The following KCNN2 variants were observed in gnomAD, a reference collection of about 807,000 sequenced individuals.
The protein encoded by KCNN2 is small conductance calcium-activated potassium channel protein 2.
Under a neutral mutation model 55.5 loss-of-function variants are expected in KCNN2, and 24 were observed. That is an observed-to-expected ratio of 0.43 (90% CI 0.31 to 0.61). KCNN2 has a LOEUF of 0.61. KCNN2 is among the 20% of genes least tolerant of loss of function. KCNN2 has a pLI of 0.08. For synonymous variants in KCNN2, 431 were observed against 336.1 expected, an observed-to-expected ratio of 1.28 and a Z score of -3.09; for missense variants, 754 against 853.6, an observed-to-expected ratio of 0.88 and a Z score of 1.45.
rs566118562 is a variant in KCNN2 at position 114,270,822 on chromosome 5, G to A, written c.-185+49257G>A. ...TCGTGGTGAGTGTTACAGTTCTTAAGGATGGTGTGTCCGCAGTTTGTTCTT... is the reference window on the plus strand; with the variant it reads ...TCGTGGTGAGTGTTACAGTTCTTAAAGATGGTGTGTCCGCAGTTTGTTCTT... On this transcript the variant is annotated intron_variant, in intron 2 of 10. Transcript: ENST00000512097. Among the ~76,000 whole-genome samples, 3 of 152,240 alleles carry A rather than the reference G, an allele frequency of 2.0e-5. No individual in the cohort carries two copies. The South Asian group carries it at 6.2e-4, about 32-fold the overall frequency.
chr5:114,088,659 G>A (rs748511083), intron 1 of KCNN2, among the ~76,000 whole-genome samples: 4 of 151,900 alleles, frequency 2.6e-5, no homozygotes, highest in Admixed American at 1.3e-4. Flanking sequence ...TCGCTCTGTC[G>A]CCCAGGCTGG....
intron 2 of KCNN2, among the ~76,000 whole-genome samples, chr5:114,396,546 G>A (rs1427303491): frequency 7.2e-6 from 1 of 138,162 alleles, no homozygotes; most frequent in African/African-American, 2.6e-5. Context: ...TACCCAATAG[G>A]TAGTCTTTTT....
chr5:114,104,725 C>A (rs137887378), intron 1 of KCNN2, among the ~76,000 whole-genome samples: 356 of 151,914 alleles, frequency 2.3e-3, no homozygotes, highest in Non-Finnish European at 3.9e-3. Flanking sequence ...ATGAGAGGGC[C>A]GCCTACCTCA....
intron 1 of KCNN2, among the ~76,000 whole-genome samples, chr5:114,108,426 T>C (rs892913138): frequency 3.3e-5 from 5 of 152,094 alleles, no homozygotes; most frequent in Non-Finnish European, 7.4e-5. Flanking sequence ...TATACAGCTC[T>C]TAAGTTTATA....
intron 3 of KCNN2, among the ~76,000 whole-genome samples, chr5:114,432,271 A>G (rs948775258): frequency 2.0e-5 from 3 of 152,220 alleles, no homozygotes; most frequent in Admixed American, 1.3e-4. Flanking sequence ...CCCACACCCA[A>G]TAAGGATTGT....
intron 2 of KCNN2, among the ~76,000 whole-genome samples, chr5:114,345,914 G>A (rs1757096632): frequency 6.6e-6 from 1 of 152,162 alleles, no homozygotes; most frequent in South Asian, 2.1e-4. Context: ...CCGAGTAGCT[G>A]AGACTACAGG....
At chr5:114,494,690 A>T (rs1374475642) in intron 7 of KCNN2, among the ~76,000 whole-genome samples, 1 of 152,052 alleles carries the variant, frequency 6.6e-6, no homozygotes, top group African/African-American at 2.4e-5. Context: ...CTGTTTCTTT[A>T]TTAATGTACT....
At chr5:114,244,598 G>A (rs1004234063) in intron 2 of KCNN2, among the ~76,000 whole-genome samples, 12 of 151,814 alleles carry the variant, frequency 7.9e-5, no homozygotes, top group Middle Eastern at 3.4e-3. Flanking sequence ...ACTCTGGGGC[G>A]GGCATGGGGG....
At chr5:114,108,453 G>T (rs1280670044) in intron 1 of KCNN2, among the ~76,000 whole-genome samples, 1 of 151,738 alleles carries the variant, frequency 6.6e-6, no homozygotes, top group Non-Finnish European at 1.5e-5. Context: ...GGTAAGTTTT[G>T]CCCACATATT....
At chr5:114,140,442 T>A (rs1191782413) in intron 1 of KCNN2, among the ~76,000 whole-genome samples, 1 of 152,214 alleles carries the variant, frequency 6.6e-6, no homozygotes, top group Non-Finnish European at 1.5e-5. Flanking sequence ...AAGCAATGTT[T>A]GGAAGTAGAA....
intron 5 of KCNN2, among the ~76,000 whole-genome samples, chr5:114,478,733 T>TG (rs1356265779): frequency 1.3e-5 from 2 of 152,140 alleles, no homozygotes; most frequent in South Asian, 2.1e-4. Flanking sequence ...CAGAAGAGAC[T>TG]GGGGGCCCAT....
intron 2 of KCNN2, among the ~76,000 whole-genome samples, chr5:114,235,041 CT>C (rs1754463759): frequency 1.3e-5 from 2 of 152,100 alleles, no homozygotes; most frequent in Admixed American, 1.3e-4. Flanking sequence ...CATGAATATT[CT>C]TTTGAAAGTT....
chr5:114,077,697 G>A (rs999068069), intron 1 of KCNN2, among the ~76,000 whole-genome samples: 1 of 152,202 alleles, frequency 6.6e-6, no homozygotes, highest in Non-Finnish European at 1.5e-5. Context: ...TGAGGGAGGA[G>A]TACAGAACTG....
chr5:114,214,661 G>A (rs1253100706), intron 1 of KCNN2, among the ~76,000 whole-genome samples: 1 of 152,024 alleles, frequency 6.6e-6, no homozygotes, highest in Non-Finnish European at 1.5e-5. Context: ...GTTCTTTTGG[G>A]TTCCCCATAT....
At chr5:114,109,260 T>C (rs1383678721) in intron 1 of KCNN2, among the ~76,000 whole-genome samples, 1 of 152,074 alleles carries the variant, frequency 6.6e-6, no homozygotes, top group Non-Finnish European at 1.5e-5. Context: ...GCTTTCTCTA[T>C]AGGGCAGCTT....
intron 1 of KCNN2, among the ~76,000 whole-genome samples, chr5:114,215,404 T>A (rs13188717): frequency 0.3 from 45,354 of 151,944 alleles, 6,907 homozygotes; most frequent in Middle Eastern, 0.45. Flanking sequence ...AAAGGAGAGT[T>A]ACTTTTTTTC....
At chr5:114,117,425 G>A (rs1460621616) in intron 1 of KCNN2, among the ~76,000 whole-genome samples, 2 of 152,188 alleles carry the variant, frequency 1.3e-5, no homozygotes, top group African/African-American at 4.8e-5. Context: ...TTCCCTGACA[G>A]GGGTCCTGTC....
chr5:114,372,037 C>A (rs1262810981), intron 2 of KCNN2, among the ~76,000 whole-genome samples: 1 of 152,192 alleles, frequency 6.6e-6, no homozygotes, highest in Non-Finnish European at 1.5e-5. Context: ...ACCAGCATAT[C>A]AGCCTGTCAG....
chr5:114,246,137 T>A (rs1001928975), intron 2 of KCNN2, among the ~76,000 whole-genome samples: 1 of 152,216 alleles, frequency 6.6e-6, no homozygotes, highest in East Asian at 1.9e-4. Flanking sequence ...TTTTCGTGAA[T>A]GTAATTTTCT....
Sources: gnomAD v4.1 joint callset for allele counts (sites outside exome capture counted in the v4.1 genomes callset) on GRCh38, gnomAD v4.1.1 for gene constraint, MANE v1.5 for transcripts, NCBI Gene and HGNC (gene_info 2026-07-23, HGNC 2026-07-21) for gene names.